Variants in WIPI2 observed in about 807,000 individuals in gnomAD.
WIPI2 encodes the protein WD repeat domain, phosphoinositide interacting 2, also known as WD repeat domain phosphoinositide-interacting protein 2.
A neutral mutation model predicts 52.3 loss-of-function variants in WIPI2; 28 were observed. The ratio of observed to expected loss-of-function variants is 0.54; its 90% confidence interval spans 0.40 to 0.73. WIPI2 has a LOEUF of 0.73. Ranked by LOEUF, WIPI2 falls within the 30% of genes least tolerant of loss-of-function variation. The pLI, the probability that WIPI2 is intolerant of heterozygous loss-of-function variation, is 0.00. For missense variants in WIPI2, 506 were observed against 602.9 expected, an observed-to-expected ratio of 0.84 and a Z score of 1.68; for synonymous variants, 268 against 245.0, an observed-to-expected ratio of 1.09 and a Z score of -0.88.
chr7:5,207,037 A>G (rs1441241371), intron 3 of WIPI2, among the ~76,000 whole-genome samples: 1 of 152,110 alleles, frequency 6.6e-6, no homozygotes, highest in Non-Finnish European at 1.5e-5. Context: ...AGCCTCCCAG[A>G]GTGCTGAGAT....
chr7:5,195,638 G>A (rs1036539605), intron 2 of WIPI2, among the ~76,000 whole-genome samples: 1 of 152,162 alleles, frequency 6.6e-6, no homozygotes, highest in Admixed American at 6.5e-5. Context: ...TTTATGGTCA[G>A]GTCAATTTTG....
At chr7:5,191,024 G>GTTTGT (rs1781457887) in intron 1 of WIPI2, among the ~76,000 whole-genome samples, 1 of 151,644 alleles carries the variant, frequency 6.6e-6, no homozygotes, top group Non-Finnish European at 1.5e-5. Context: ...GTTTTTTGGG[G>GTTTGT]TTTGTTTTGT....
chr7:5,190,551 G>A (rs919589669), intron 1 of WIPI2, 58 bp downstream of exon 1: 6 of 1,376,476 alleles, frequency 4.4e-6, no homozygotes, highest in Non-Finnish European at 5.7e-6. Context: ...CCCGGGCTAG[G>A]GGGAGGGCCT....
chr7:5,207,378 T>G (rs769928399), intron 3 of WIPI2, among the ~76,000 whole-genome samples: 3 of 152,210 alleles, frequency 2.0e-5, no homozygotes, highest in Non-Finnish European at 4.4e-5. Flanking sequence ...TACTGTAGAT[T>G]AGTTTTGTCT....
intron 3 of WIPI2, 37 bp from the exon 4 acceptor site, chr7:5,214,498 G>A (rs567714432): frequency 1.2e-6 from 2 of 1,614,064 alleles, no homozygotes; most frequent in Middle Eastern, 1.7e-4. Context: ...TAGCCATGTG[G>A]AGATGTTCAC....
At chr7:5,203,109 A>C (rs1782110773) in intron 3 of WIPI2, among the ~76,000 whole-genome samples, 1 of 152,188 alleles carries the variant, frequency 6.6e-6, no homozygotes, top group South Asian at 2.1e-4. Context: ...ATCTTTTATC[A>C]ACCTTCCTGC....
intron 7 of WIPI2, among the ~76,000 whole-genome samples, chr7:5,221,433 TAGG>T (rs1297165697): frequency 1.3e-5 from 2 of 152,176 alleles, no homozygotes; most frequent in Admixed American, 1.3e-4. Context: ...ATTTGTATAG[TAGG>T]AGGGTGAATG....
intron 2 of WIPI2, among the ~76,000 whole-genome samples, chr7:5,196,297 C>T (rs577469545): frequency 1.1e-3 from 166 of 150,772 alleles, no homozygotes; most frequent in Non-Finnish European, 1.5e-3. Flanking sequence ...TCCAGTGAGC[C>T]GAGATTGTGC....
In WIPI2 at chr7:5,225,700, G is replaced by C. The variant is rs569436789; in HGVS notation, c.741-123G>C. ...AAATGTTTGAGAAGGTGGCTAGAGG[G>C]GAATAAAACTTACCAGCAGGCCCAA... is the stretch of plus-strand genomic sequence containing the variant. On this transcript the variant is annotated intron_variant, in intron 8 of 12. Transcript: ENST00000288828. The C allele has an allele frequency of 3.6e-5, 23 of 630,644 alleles. No individual in the cohort carries two copies. In the South Asian group the frequency reaches 4.0e-4, roughly 11 times the overall value. The allele number at this position is 630,644 out of a possible 1,614,324, so 39.1% of individuals were successfully genotyped here.
intron 3 of WIPI2, among the ~76,000 whole-genome samples, chr7:5,207,509 G>C (rs1270219469): frequency 3.9e-5 from 6 of 152,272 alleles, no homozygotes; most frequent in African/African-American, 1.2e-4. Flanking sequence ...ATATATGACA[G>C]TTGTTGATGT....
chr7:5,215,416 C>T (rs186770751), intron 4 of WIPI2, among the ~76,000 whole-genome samples: 31 of 152,350 alleles, frequency 2.0e-4, no homozygotes, highest in African/African-American at 7.2e-4. Context: ...ACTAATAAGA[C>T]TGTCTGGCAC....
chr7:5,216,391 C>T, intron 4 of WIPI2, 172 bp from the exon 5 acceptor site: 1 of 527,536 alleles, frequency 1.9e-6, no homozygotes, highest in South Asian at 2.5e-5. Flanking sequence ...GAGATCACAC[C>T]ACTGCACTCC....
At chr7:5,190,779 ACTT>A (rs2115183293) in intron 1 of WIPI2, 3 of 293,474 alleles carry the variant, frequency 1.0e-5, no homozygotes, top group South Asian at 1.4e-4. Context: ...AGACTTAACT[ACTT>A]CTCGCAAAGT....
chr7:5,197,215 G>A (rs1033202148), intron 2 of WIPI2, among the ~76,000 whole-genome samples: 9 of 148,240 alleles, frequency 6.1e-5, no homozygotes, highest in African/African-American at 1.8e-4. Flanking sequence ...CCCTCAACTC[G>A]AAAGAACTTG....
chr7:5,230,212 C>T lies in WIPI2; in HGVS notation c.1252+474C>T, dbSNP rs1783664637. On this transcript the variant is annotated intron_variant, in intron 12 of 12. Transcript: ENST00000288828. The surrounding 1 kb of genome is among the most constrained non-coding windows in gnomAD (Gnocchi z 4.8). The stretch of plus-strand genomic sequence containing the variant: ...CAAGGGTTTTGCCTCAGTCTTTTCC[C>T]TCCCACCTTTTTCGTCCTTCAGCAA... Among the ~76,000 whole-genome samples the T allele has an allele frequency of 6.6e-6, 1 of 152,184 alleles. No individual in the cohort carries two copies. The highest frequency in any genetic ancestry group is 1.5e-5 in the Non-Finnish European group (1 of 68,036).
chr7:5,199,749 T>G, intron 3 of WIPI2, 91 bp downstream of exon 3: 1 of 1,305,886 alleles, frequency 7.7e-7, no homozygotes, highest in Non-Finnish European at 1.1e-6. Flanking sequence ...GACGCTGTGG[T>G]TGAAGTCCAG....
At chr7:5,215,075 C>G (rs1201056072) in intron 4 of WIPI2, among the ~76,000 whole-genome samples, 1 of 152,214 alleles carries the variant, frequency 6.6e-6, no homozygotes, top group Admixed American at 6.5e-5. Context: ...CTTTGGGAGG[C>G]CGAGGCGGGC....
rs538830148 is a variant in WIPI2, at chr7:5,228,495, G to A, written c.1121+284G>A. 7.2e-5 allele frequency among the ~76,000 whole-genome samples: 11 copies of A among 152,326 alleles called. No homozygotes were observed. The South Asian group carries it at 1.7e-3, about 23-fold the overall frequency. On this transcript the variant is annotated intron_variant, in intron 11 of 12. Transcript: ENST00000288828. ...GCGGGAGCCGCATTTGTTCTTAGGT[G>A]GGGGAGAGGTGCTGGGAGGCCAGGC...
intron 1 of WIPI2, among the ~76,000 whole-genome samples, chr7:5,191,735 C>T (rs528396862): frequency 1.3e-5 from 2 of 152,244 alleles, no homozygotes; most frequent in Admixed American, 6.5e-5. Flanking sequence ...TGAGTTGTTA[C>T]TGGCTGAGTG....
Sources: gnomAD v4.1 joint callset for allele counts (sites outside exome capture counted in the v4.1 genomes callset) on GRCh38, gnomAD v4.1.1 for gene constraint, Gnocchi (gnomAD v3.1) non-coding constraint, MANE v1.5 for transcripts, NCBI Gene and HGNC (gene_info 2026-07-23, HGNC 2026-07-21) for gene names.